Variants in FRMD4A observed in about 807,000 individuals in gnomAD.
FRMD4A encodes the protein FERM domain-containing protein 4A.
Under a neutral mutation model 129.1 loss-of-function variants are expected in FRMD4A, and 29 were observed. The observed-to-expected ratio is 0.22, with a 90% CI of 0.17 to 0.31. The LOEUF is 0.31. Among genes scored for constraint, FRMD4A ranks in the 10% least tolerant of loss-of-function variants. FRMD4A has a pLI of 1.00. For synonymous variants in FRMD4A, 634 were observed against 571.6 expected (o/e 1.11, Z -1.56); for missense variants, 1,272 against 1,375.8 (o/e 0.92, Z 1.19).
At chr10:14,009,361 G>A (rs561725780) in intron 2 of FRMD4A, among the ~76,000 whole-genome samples, 1 of 151,672 alleles carries the variant, frequency 6.6e-6, no homozygotes, top group Non-Finnish European at 1.5e-5. Flanking sequence ...CACTGCTTCT[G>A]TCTGTTCTGA....
At chr10:14,143,397 A>G (rs1402212881) in intron 2 of FRMD4A, among the ~76,000 whole-genome samples, 1 of 152,264 alleles carries the variant, frequency 6.6e-6, no homozygotes, top group Non-Finnish European at 1.5e-5. Context: ...CAAATACTAT[A>G]TGATTCCTCT....
chr10:14,136,091 G>T (rs959191109), intron 2 of FRMD4A, among the ~76,000 whole-genome samples: 3 of 152,146 alleles, frequency 2.0e-5, no homozygotes, highest in African/African-American at 7.2e-5. Flanking sequence ...GAACCAGTAG[G>T]TTCCAAGTGC....
At chr10:13,948,648 ATTTTTTTTT>A (rs34872688) in intron 2 of FRMD4A, among the ~76,000 whole-genome samples, 1 of 91,366 alleles carries the variant, frequency 1.1e-5, no homozygotes, top group African/African-American at 3.8e-5. Context: ...GGAAAAGAGG[ATTTTTTTTT>A]TTTTTTTTTT....
chr10:14,165,511 A>G (rs1841126651), intron 2 of FRMD4A, among the ~76,000 whole-genome samples: 1 of 152,228 alleles, frequency 6.6e-6, no homozygotes, highest in Admixed American at 6.5e-5. Context: ...CCCATTACTG[A>G]GCATATACCC....
chr10:13,868,460 C>A (rs2094401071), intron 2 of FRMD4A, among the ~76,000 whole-genome samples: 1 of 152,086 alleles, frequency 6.6e-6, no homozygotes. Context: ...TGACCTCTGG[C>A]AAACGATTCC....
intron 2 of FRMD4A, among the ~76,000 whole-genome samples, chr10:14,278,382 G>A (rs887037649): frequency 4.5e-4 from 69 of 152,228 alleles, no homozygotes; most frequent in African/African-American, 1.6e-3. Context: ...AGAGGCTCAG[G>A]CTCCGGCTGT....
chr10:13,722,780 C>T (rs1026338283), intron 12 of FRMD4A, among the ~76,000 whole-genome samples: 32 of 152,236 alleles, frequency 2.1e-4, no homozygotes, highest in African/African-American at 7.2e-4. Flanking sequence ...AGCTGGGTAT[C>T]CACGCTGGTT....
At chr10:14,206,821 A>AAAAAAAAAAGT (rs1842797450) in intron 2 of FRMD4A, among the ~76,000 whole-genome samples, 1 of 88,360 alleles carries the variant, frequency 1.1e-5, no homozygotes, top group Non-Finnish European at 2.7e-5. Context: ...AAAAAAAAAA[A>AAAAAAAAAAGT]GAGAGACAGA....
chr10:13,871,202 A>C, intron 2 of FRMD4A: 1 of 166,554 alleles, frequency 6.0e-6, no homozygotes, highest in Non-Finnish European at 1.5e-5. Flanking sequence ...CCAGGCACTC[A>C]CGCTGTTTCT....
chr10:13,657,297 C>G lies in FRMD4A; in HGVS notation c.2292G>C (p.Met764Ile). The G allele has an allele frequency of 6.2e-7, 1 of 1,610,156 alleles. No homozygotes were observed. The highest frequency in any genetic ancestry group is 8.5e-7 in the Non-Finnish European group (1 of 1,179,440). The change falls in exon 22 of 25, where the codon ATG (methionine) becomes ATC (isoleucine). Residue 764 changes from methionine to isoleucine, a missense_variant. Physicochemically the swap from Met to Ile is conservative, Grantham distance 10 (BLOSUM62 1). Around this residue, in one of 2 missense-constraint regions of FRMD4A, gnomAD observed 972 missense variants for 892.3 expected, o/e 1.09. Transcript: ENST00000357447. ...SSSEHYYPAQ[M>I]NANYSTLAED... ...CGGCCAGCGTGGAGTAGTTGGCGTTCATCTGCGCCGGGTAGTAGTGCTCCG... is the reference window on the plus strand; with the variant it reads ...CGGCCAGCGTGGAGTAGTTGGCGTTGATCTGCGCCGGGTAGTAGTGCTCCG...
chr10:13,679,456 A>AT lies in FRMD4A; in HGVS notation c.1118-4413_1118-4412insA, dbSNP rs1564590925. ...AAAAAAAAAAAAAAAAAAAAAAAAA[A>AT]AAAAATATATATATATATACACACA... On this transcript the variant is annotated intron_variant, in intron 15 of 24. Coordinates refer to ENST00000357447, the MANE Select transcript of FRMD4A (RefSeq NM_018027.5). 1.6e-3 allele frequency among the ~76,000 whole-genome samples: 51 copies of AT among 31,868 alleles called. 2 individuals carry two copies. Among genetic ancestry groups the AT allele is most frequent in the African/African-American group, 5.7e-3 (40 of 6,974 alleles). The allele number at this position is 31,868 out of a possible 152,430, so 20.9% of individuals were successfully genotyped here. A position where few individuals can be genotyped will look rare whatever the true frequency, so the allele number is the denominator to read the frequency against.
intron 8 of FRMD4A, among the ~76,000 whole-genome samples, chr10:13,757,705 T>C (rs371021660): frequency 5.9e-5 from 9 of 152,234 alleles, no homozygotes; most frequent in East Asian, 5.8e-4. Context: ...TGTCTTTATA[T>C]AGTTCTCTTT....
intron 2 of FRMD4A, among the ~76,000 whole-genome samples, chr10:14,217,054 T>A (rs1055414423): frequency 2.6e-5 from 4 of 152,340 alleles, no homozygotes; most frequent in African/African-American, 9.6e-5. Context: ...ATGGCCTCCA[T>A]GGGACTGACT....
intron 2 of FRMD4A, among the ~76,000 whole-genome samples, chr10:14,199,944 G>T (rs1208022930): frequency 2.0e-5 from 3 of 150,220 alleles, no homozygotes; most frequent in Non-Finnish European, 4.5e-5. Flanking sequence ...GGGCACATGT[G>T]ATATTTTGGT....
rs766037416 is a variant in FRMD4A, at chr10:13,717,115, C to T, written c.760-10002G>A. ...TGTGACCCAGTGATGTGTGGCTTAA[C>T]CTCTCTGTGCTCCAGTCTTTCCTTG... On this transcript the variant is annotated intron_variant, in intron 12 of 24. Transcript: ENST00000357447. Among the ~76,000 whole-genome samples, 58 of 152,198 alleles carry T rather than the reference C, an allele frequency of 3.8e-4. 1 individual carries two copies. In the Middle Eastern group the frequency reaches 0.01, roughly 27 times the overall value.
intron 2 of FRMD4A, among the ~76,000 whole-genome samples, chr10:14,010,615 C>T (rs1403233515): frequency 6.8e-6 from 1 of 147,976 alleles, no homozygotes; most frequent in Non-Finnish European, 1.5e-5. Context: ...ATTGTCTTGC[C>T]ATGGGTGTCG....
chr10:13,664,340 C>T (rs956392270), intron 18 of FRMD4A, among the ~76,000 whole-genome samples: 4 of 152,096 alleles, frequency 2.6e-5, no homozygotes, highest in Non-Finnish European at 5.9e-5. Context: ...TTGGAGGGGG[C>T]AGAGGGTCTC....
rs537758359 is a variant in FRMD4A at position 14,232,357 on chromosome 10, G to A, written c.45+97701C>T. ...GCCCTTCAGTATAGTTTGAAGTTGGGTAATGTGATGCCTCTAGCTTTGTGC... is the reference window on the plus strand; with the variant it reads ...GCCCTTCAGTATAGTTTGAAGTTGGATAATGTGATGCCTCTAGCTTTGTGC... On this transcript the variant is annotated intron_variant, in intron 2 of 24. Transcript: ENST00000357447. 1.6e-3 allele frequency among the ~76,000 whole-genome samples: 248 copies of A among 152,262 alleles called. 1 individual carries two copies. Among genetic ancestry groups the A allele is most frequent in the African/African-American group, 5.7e-3 (237 of 41,550 alleles).
chr10:14,204,210 G>A (rs1380202576), intron 2 of FRMD4A, among the ~76,000 whole-genome samples: 1 of 151,526 alleles, frequency 6.6e-6, no homozygotes, highest in Admixed American at 6.6e-5. Flanking sequence ...GATTGCTTGA[G>A]CCCAAGAGTT....
Sources: allele counts gnomAD v4.1 joint callset (sites outside exome capture counted in the v4.1 genomes callset), GRCh38; gene constraint gnomAD v4.1.1; regional missense constraint gnomAD v4.1.1; transcripts MANE v1.5; gene names NCBI Gene and HGNC (gene_info 2026-07-23, HGNC 2026-07-21).